Variants in MIPOL1 observed in about 807,000 individuals in gnomAD.
The protein encoded by MIPOL1 is mirror-image polydactyly gene 1 protein.
A neutral mutation model predicts 60.9 loss-of-function variants in MIPOL1; 57 were observed. The observed-to-expected ratio is 0.94, with a 90% CI of 0.76 to 1.17. The LOEUF (loss-of-function observed/expected upper bound fraction) is 1.17. Among genes scored for constraint, MIPOL1 ranks in the 50% most tolerant of loss-of-function variants. The pLI is 0.00. For missense variants in MIPOL1, 551 were observed against 511.6 expected (o/e 1.08, Z -0.74); for synonymous variants, 179 against 168.8 (o/e 1.06, Z -0.47).
chr14:37,485,669 G>A (rs1329872848), intron 11 of MIPOL1, among the ~76,000 whole-genome samples: 1 of 152,060 alleles, frequency 6.6e-6, no homozygotes, highest in Non-Finnish European at 1.5e-5. Context: ...CCCACTTTTT[G>A]ATGGGGTTGT....
chr14:37,314,811 T>C (rs1595086568), intron 9 of MIPOL1, among the ~76,000 whole-genome samples: 1 of 152,156 alleles, frequency 6.6e-6, no homozygotes. Context: ...AAGTTACTTA[T>C]TATGTTTGTG....
chr14:37,249,806 T>G (rs1244609722), intron 3 of MIPOL1, among the ~76,000 whole-genome samples: 1 of 152,090 alleles, frequency 6.6e-6, no homozygotes, highest in African/African-American at 2.4e-5. Context: ...AAAAGCATTT[T>G]ACTCAATTGA....
chr14:37,209,484 C>G (rs1594459841), intron 1 of MIPOL1, among the ~76,000 whole-genome samples: 1 of 151,948 alleles, frequency 6.6e-6, no homozygotes, highest in Non-Finnish European at 1.5e-5. Context: ...CATGGTGAAA[C>G]CCCGTCTCTA....
intron 12 of MIPOL1, among the ~76,000 whole-genome samples, chr14:37,530,791 A>G (rs1594896496): frequency 6.6e-6 from 1 of 152,028 alleles, no homozygotes; most frequent in South Asian, 2.1e-4. Context: ...AAGTCCAGAT[A>G]TAAGCAGCTG....
chr14:37,279,934 C>G (rs1422564233), intron 6 of MIPOL1, among the ~76,000 whole-genome samples: 1 of 152,078 alleles, frequency 6.6e-6, no homozygotes, highest in Non-Finnish European at 1.5e-5. Context: ...AATATCTCTT[C>G]TTTCCTCCTC....
chr14:37,399,161 G>T (rs575086524), intron 10 of MIPOL1, among the ~76,000 whole-genome samples: 18 of 152,108 alleles, frequency 1.2e-4, no homozygotes, highest in African/African-American at 4.3e-4. Context: ...GAATGAATAT[G>T]TGTATTAATA....
intron 9 of MIPOL1, among the ~76,000 whole-genome samples, chr14:37,338,530 T>A (rs764362797): frequency 2.0e-5 from 3 of 151,894 alleles, no homozygotes; most frequent in Non-Finnish European, 4.4e-5. Context: ...TGCCTCAGCC[T>A]CCTGAATAAC....
intron 1 of MIPOL1, among the ~76,000 whole-genome samples, chr14:37,207,235 A>G (rs1000452563): frequency 6.6e-6 from 1 of 152,186 alleles, no homozygotes; most frequent in African/African-American, 2.4e-5. Context: ...CTGGTAGTGA[A>G]TAAGTCCAGG....
chr14:37,247,925 A>G lies in MIPOL1; in HGVS notation c.19+18A>G, dbSNP rs763574831. 1 of 1,611,828 alleles carries G rather than the reference A, an allele frequency of 6.2e-7. No individual in the cohort carries two copies. The highest frequency in any genetic ancestry group is 8.5e-7 in the Non-Finnish European group (1 of 1,178,674). ...GTCAAAAGGTAAGGACTTTTAAGGT[A>G]TTAATACCAAGCCCCAGGTGTTGTT... is the stretch of plus-strand genomic sequence containing the variant. On this transcript the variant is annotated intron_variant, in intron 3 of 12. Coordinates refer to ENST00000684589, the MANE Select transcript of MIPOL1 (RefSeq NM_001388067.1).
chr14:37,512,235 A>C (rs1042280028), intron 12 of MIPOL1, among the ~76,000 whole-genome samples: 3 of 151,996 alleles, frequency 2.0e-5, no homozygotes, highest in African/African-American at 7.2e-5. Context: ...TCTGTAAAGA[A>C]ATTGGTGTTA....
intron 12 of MIPOL1, chr14:37,523,416 A>C: frequency 2.8e-6 from 1 of 361,000 alleles, no homozygotes; most frequent in Non-Finnish European, 5.0e-6. Context: ...CCAGGAAGTA[A>C]ATAGATGAGT....
At chr14:37,461,282 G>A (rs1436125344) in intron 11 of MIPOL1, among the ~76,000 whole-genome samples, 1 of 152,214 alleles carries the variant, frequency 6.6e-6, no homozygotes, top group Non-Finnish European at 1.5e-5. Flanking sequence ...GGAGGAGCAA[G>A]TCAAATCTTA....
chr14:37,254,107 T>G (rs1490288478), intron 3 of MIPOL1, among the ~76,000 whole-genome samples: 1 of 151,806 alleles, frequency 6.6e-6, no homozygotes, highest in Non-Finnish European at 1.5e-5. Context: ...TACTGGCAGC[T>G]GGCCAGCAAG....
intron 12 of MIPOL1, chr14:37,504,265 A>C (rs892199543): frequency 6.6e-6 from 1 of 152,218 alleles, no homozygotes; most frequent in Non-Finnish European, 1.5e-5. Flanking sequence ...CCTAATAGAC[A>C]TCTACAGAAC....
chr14:37,288,905 T>G (rs2084813856), intron 7 of MIPOL1, among the ~76,000 whole-genome samples: 1 of 152,174 alleles, frequency 6.6e-6, no homozygotes, highest in Non-Finnish European at 1.5e-5. Context: ...GGGCTTGCAT[T>G]CCTCAGATAA....
chr14:37,341,906 GTTA>G (rs2090600296), intron 9 of MIPOL1, among the ~76,000 whole-genome samples: 1 of 152,172 alleles, frequency 6.6e-6, no homozygotes. Flanking sequence ...CTTTAGAGGA[GTTA>G]TTTATTATTC....
In MIPOL1 at chr14:37,250,417, C is replaced by A. The variant is rs147708139; in HGVS notation, c.19+2510C>A. On this transcript the variant is annotated intron_variant, in intron 3 of 12. Transcript: ENST00000684589. ...ACACAAATTAGCTGGGTGTTTTGGG[C>A]ACACCTGTAATCCCAGCTACTCGGT... is the stretch of plus-strand genomic sequence containing the variant. Among the ~76,000 whole-genome samples, 453 of 152,028 alleles carry A rather than the reference C, an allele frequency of 3.0e-3. 3 individuals carry two copies. Among genetic ancestry groups the A allele is most frequent in the African/African-American group, 0.01 (429 of 41,476 alleles).
chr14:37,347,010 C>A (rs1339975959), intron 9 of MIPOL1, among the ~76,000 whole-genome samples: 1 of 152,080 alleles, frequency 6.6e-6, no homozygotes, highest in Non-Finnish European at 1.5e-5. Flanking sequence ...AAGATGTAAA[C>A]CTGACCTAGA....
chr14:37,394,434 TG>T (rs1359319218), intron 10 of MIPOL1, among the ~76,000 whole-genome samples: 7 of 152,074 alleles, frequency 4.6e-5, no homozygotes, highest in African/African-American at 1.7e-4. Context: ...ACTGTTTTTT[TG>T]ATTTTTGAAT....
Sources: gnomAD v4.1 joint callset for allele counts (sites outside exome capture counted in the v4.1 genomes callset) on GRCh38, gnomAD v4.1.1 for gene constraint, MANE v1.5 for transcripts, NCBI Gene and HGNC (gene_info 2026-07-23, HGNC 2026-07-21) for gene names.